Variants in GARNL3 observed in about 807,000 individuals in gnomAD.
GARNL3 encodes the protein GTPase-activating Rap/Ran-GAP domain-like protein 3.
A neutral mutation model predicts 125.0 loss-of-function variants in GARNL3; 63 were observed. The ratio of observed to expected loss-of-function variants is 0.50; its 90% CI spans 0.41 to 0.62. The LOEUF (loss-of-function observed/expected upper bound fraction) is 0.62. Among genes scored for constraint, GARNL3 ranks in the 20% least tolerant of loss-of-function variants. GARNL3 has a pLI of 0.00. For synonymous variants in GARNL3, 439 were observed against 457.5 expected, an observed-to-expected ratio of 0.96 and a Z score of 0.52; for missense variants, 994 against 1,244.0, an observed-to-expected ratio of 0.80 and a Z score of 3.02.
Position 127,304,028 on chromosome 9 carries a change from A to C in GARNL3, c.220-7608A>C, listed in dbSNP as rs954675698. ...ATTTCCCTCTGTTGTAGCCTTTCAC[A>C]AATGTTTACCTAAAGGGCATAAAAT... is the stretch of plus-strand genomic sequence containing the variant. On this transcript the variant is annotated intron_variant, in intron 2 of 27. Transcript: ENST00000373387. 8.5e-5 allele frequency among the ~76,000 whole-genome samples: 13 copies of C among 152,156 alleles called. 1 individual carries two copies. The highest frequency in any genetic ancestry group is 5.2e-4 in the Admixed American group (8 of 15,268).
Position 127,342,349 on chromosome 9 carries a change from A to G in GARNL3, c.1251+15A>G, listed in dbSNP as rs1829906010. 3 of 1,516,344 alleles carry G rather than the reference A, an allele frequency of 2.0e-6. No individual in the cohort carries two copies. The highest frequency in any genetic ancestry group is 2.8e-6 in the Non-Finnish European group (3 of 1,090,842). 93.9% of individuals were successfully genotyped at this position (1,516,344 alleles called of 1,614,324 possible). A position where few individuals can be genotyped will look rare whatever the true frequency, so the allele number is the denominator to read the frequency against. ...ATTTGCATAAGGTAATTCTGGGTCC[A>G]TGGTCTTCTTTCCTTCTTATGGGGT... On this transcript the variant is annotated intron_variant, in intron 14 of 27. Coordinates refer to ENST00000373387, the MANE Select transcript of GARNL3 (RefSeq NM_032293.5).
intron 9 of GARNL3, among the ~76,000 whole-genome samples, chr9:127,334,430 T>C (rs540959244): frequency 4.9e-4 from 74 of 152,320 alleles, no homozygotes; most frequent in African/African-American, 1.7e-3. Flanking sequence ...TGCCATGGCA[T>C]CACGGATTCT....
In GARNL3 at chr9:127,379,797, T is replaced by C. The variant is rs181274242; in HGVS notation, c.2162-3641T>C. 1.4e-4 allele frequency among the ~76,000 whole-genome samples: 21 copies of C among 152,340 alleles called. No homozygotes were observed. The East Asian group carries it at 3.9e-3, about 28-fold the overall frequency. On this transcript the variant is annotated intron_variant, in intron 22 of 27. Coordinates refer to ENST00000373387, the MANE Select transcript of GARNL3 (RefSeq NM_032293.5). ...ACAATATAGTGAAGAAAGCAAATTA[T>C]ATGTTAAAGTCCAATTCTGTTTTTC...
At chr9:127,390,614 C>A (rs1457192103) in intron 26 of GARNL3, 27 bp from the exon 27 acceptor site, 8 of 1,611,838 alleles carry the variant, frequency 5.0e-6, no homozygotes, top group Non-Finnish European at 6.8e-6. Context: ...GTGGTAGTGA[C>A]CCTCTGACCT....
At chr9:127,332,221 A>G (rs543723544) in intron 7 of GARNL3, 53 bp from the exon 8 acceptor site, 29 of 1,364,522 alleles carry the variant, frequency 2.1e-5, no homozygotes, top group East Asian at 1.8e-4. Context: ...TCTCAAAACT[A>G]TATACGCTGT....
intron 1 of GARNL3, among the ~76,000 whole-genome samples, chr9:127,239,045 C>T (rs1419217000): frequency 6.6e-6 from 1 of 152,184 alleles, no homozygotes; most frequent in African/African-American, 2.4e-5. Flanking sequence ...CCACATTTTC[C>T]CATCAGTCCA....
chr9:127,290,283 AT>A (rs112443553), intron 1 of GARNL3, among the ~76,000 whole-genome samples: 12,837 of 152,076 alleles, frequency 0.084, 1,595 homozygotes, highest in African/African-American at 0.27. Flanking sequence ...TTTTCCCTAA[AT>A]TTTTTCTATT....
At chr9:127,283,129 T>G (rs1237851816) in intron 1 of GARNL3, among the ~76,000 whole-genome samples, 1 of 152,204 alleles carries the variant, frequency 6.6e-6, no homozygotes, top group Non-Finnish European at 1.5e-5. Flanking sequence ...ACATGAATTT[T>G]CACTACTTAA....
intron 2 of GARNL3, chr9:127,300,292 T>A (rs932066996): frequency 1.2e-5 from 3 of 255,122 alleles, no homozygotes; most frequent in Non-Finnish European, 1.6e-5. Flanking sequence ...AGGCCACACA[T>A]TCATGTTACA....
intron 16 of GARNL3, 108 bp downstream of exon 16, chr9:127,345,585 C>G: frequency 1.4e-6 from 1 of 699,230 alleles, no homozygotes. Context: ...AAGAGCATGT[C>G]TACTGCAGAG....
chr9:127,234,077 ACAG>A (rs1439959981), intron 1 of GARNL3, among the ~76,000 whole-genome samples: 1 of 152,184 alleles, frequency 6.6e-6, no homozygotes, highest in African/African-American at 2.4e-5. Context: ...TTTTGGAAAA[ACAG>A]CAGCCTTCTT....
At chr9:127,318,712 C>G (rs2065309254) in intron 5 of GARNL3, among the ~76,000 whole-genome samples, 1 of 152,132 alleles carries the variant, frequency 6.6e-6, no homozygotes, top group African/African-American at 2.4e-5. Context: ...GGCAGCCTCC[C>G]CTAGGGAATG....
chr9:127,291,407 A>C (rs1052430425), intron 2 of GARNL3, among the ~76,000 whole-genome samples, 165 bp downstream of exon 2: 1 of 152,218 alleles, frequency 6.6e-6, no homozygotes, highest in Non-Finnish European at 1.5e-5. Context: ...GGTGCTATTC[A>C]TAGGGTGACA....
intron 8 of GARNL3, 132 bp downstream of exon 8, chr9:127,332,481 C>T (rs939891215): frequency 3.0e-5 from 22 of 728,880 alleles, no homozygotes; most frequent in Non-Finnish European, 4.2e-5. Flanking sequence ...ACAATTTCAG[C>T]GTGAATTTTG....
intron 7 of GARNL3, among the ~76,000 whole-genome samples, chr9:127,328,899 T>A (rs1461356675): frequency 6.6e-6 from 1 of 152,182 alleles, no homozygotes. Flanking sequence ...TGTGACCTTA[T>A]CTGTATGTTG....
At chr9:127,317,253 T>C (rs561020837) in intron 4 of GARNL3, among the ~76,000 whole-genome samples, 1 of 152,310 alleles carries the variant, frequency 6.6e-6, no homozygotes, top group East Asian at 1.9e-4. Flanking sequence ...GAAAGGAGAC[T>C]TTAAATAAGA....
At chr9:127,285,914 G>A (rs967393442) in intron 1 of GARNL3, among the ~76,000 whole-genome samples, 2 of 152,006 alleles carry the variant, frequency 1.3e-5, no homozygotes, top group African/African-American at 4.8e-5. Context: ...TACCGATCAA[G>A]TCTTTTTTGT....
intron 1 of GARNL3, among the ~76,000 whole-genome samples, chr9:127,231,548 A>G (rs936578159): frequency 3.3e-5 from 5 of 152,226 alleles, no homozygotes; most frequent in African/African-American, 1.2e-4. Context: ...AGGGTTATAT[A>G]TTAGTAGGAT....
At position 127,254,858 on chromosome 9, in the gene GARNL3, TG is replaced by T. The variant is rs1262686883; in HGVS notation, c.144-10092del. Among the ~76,000 whole-genome samples, 3 of 151,376 alleles carry T rather than the reference TG, an allele frequency of 2.0e-5. No individual in the cohort carries two copies. The South Asian group carries it at 6.3e-4, about 32-fold the overall frequency. ...CAAAAGATTTGGAATAGGCAAATCA[TG>T]GAACAGGTAGCCCAAAAGGCCAATA... On this transcript the variant is annotated intron_variant, in intron 2 of 10. Transcript: ENST00000439286.
Sources: gnomAD v4.1 joint callset for allele counts (sites outside exome capture counted in the v4.1 genomes callset) on GRCh38, gnomAD v4.1.1 for gene constraint, MANE v1.5 for transcripts, NCBI Gene and HGNC (gene_info 2026-07-23, HGNC 2026-07-21) for gene names.